Variants in KLF9 observed in about 807,000 individuals in gnomAD.
KLF9 encodes the protein KLF transcription factor 9, also known as Krueppel-like factor 9.
In KLF9, 2 loss-of-function variants were observed where a neutral mutation model predicts 17.3. The observed-to-expected ratio is 0.12, with a 90% CI of 0.05 to 0.36. KLF9 has a LOEUF of 0.36. Among genes scored for constraint, KLF9 ranks in the 10% least tolerant of loss-of-function variants. The pLI is 1.00. For synonymous variants in KLF9, 138 were observed against 139.2 expected (o/e 0.99, Z 0.06); for missense variants, 226 against 333.2 (o/e 0.68, Z 2.51).
chr9:70,396,646 AT>A (rs1384333455), intron 1 of KLF9, among the ~76,000 whole-genome samples: 12 of 152,048 alleles, frequency 7.9e-5, no homozygotes, highest in African/African-American at 1.9e-4. Context: ...AATTAAAAAA[AT>A]ATTAAGTAAA....
chr9:70,398,918 C>A (rs2037201873), intron 1 of KLF9, among the ~76,000 whole-genome samples: 2 of 152,206 alleles, frequency 1.3e-5, no homozygotes, highest in Non-Finnish European at 2.9e-5. Flanking sequence ...ACTGCAGCCT[C>A]AACCTCCCAG....
In KLF9 at chr9:70,386,316, G is replaced by A. The variant is rs2037110312; in HGVS notation, c.*1460C>T. 6.6e-6 allele frequency: 1 copy of A among 152,584 alleles called. No homozygotes were observed. The highest frequency in any genetic ancestry group is 6.5e-5 in the Admixed American group (1 of 15,274). 9.5% of individuals were successfully genotyped at this position (152,584 alleles called of 1,614,324 possible). The stretch of plus-strand genomic sequence containing the variant: ...GGTAAATGGCATAGATGGATGTAGT[G>A]GTTTCAGCCATTATAGACACCTAGA... On this transcript the variant is annotated 3_prime_UTR_variant, in exon 2 of 2. Transcript: ENST00000377126.
intron 1 of KLF9, among the ~76,000 whole-genome samples, chr9:70,397,280 T>G (rs147988829): frequency 0.017 from 2,581 of 151,986 alleles, 33 homozygotes; most frequent in African/African-American, 0.033. Flanking sequence ...GTTGAGACCA[T>G]CCTGGCCAAC....
intron 1 of KLF9, among the ~76,000 whole-genome samples, chr9:70,396,512 G>GCT (rs2037182576): frequency 6.6e-6 from 1 of 152,154 alleles, no homozygotes; most frequent in Admixed American, 6.5e-5. Context: ...ATATGGGCTG[G>GCT]CTGAGGTGGT....
At chr9:70,410,523 T>C (rs2037304100) in intron 1 of KLF9, among the ~76,000 whole-genome samples, 1 of 152,228 alleles carries the variant, frequency 6.6e-6, no homozygotes, top group African/African-American at 2.4e-5. Context: ...CTTCTAAAGC[T>C]GGTGTAGAAG....
At chr9:70,397,244 G>C (rs765705517) in intron 1 of KLF9, among the ~76,000 whole-genome samples, 5 of 152,122 alleles carry the variant, frequency 3.3e-5, no homozygotes, top group Middle Eastern at 3.2e-3. Flanking sequence ...GGAGGCCAAG[G>C]GGGGTGGATC....
chr9:70,393,046 C>T (rs1015401594), intron 1 of KLF9, among the ~76,000 whole-genome samples: 3 of 152,156 alleles, frequency 2.0e-5, no homozygotes, highest in South Asian at 2.1e-4. Flanking sequence ...TACCACTCCC[C>T]GCCCCTTTCA....
At chr9:70,399,308 C>A (rs2037206197) in intron 1 of KLF9, among the ~76,000 whole-genome samples, 1 of 152,178 alleles carries the variant, frequency 6.6e-6, no homozygotes, top group Admixed American at 6.5e-5. Context: ...TGGATGAAAT[C>A]TTAGGGATCC....
intron 1 of KLF9, among the ~76,000 whole-genome samples, chr9:70,401,726 A>C (rs915143277): frequency 6.6e-6 from 1 of 150,756 alleles, no homozygotes; most frequent in African/African-American, 2.4e-5. Flanking sequence ...GAAAAGAAAA[A>C]AAATTAGGCT....
chr9:70,412,034 C>G (rs988950593), intron 1 of KLF9, among the ~76,000 whole-genome samples: 1 of 151,948 alleles, frequency 6.6e-6, no homozygotes. Context: ...TTCATTTGTA[C>G]GGCCATGCCT....
chr9:70,401,743 A>G lies in KLF9; in HGVS notation c.505+11116T>C, dbSNP rs192490640. ...AAAGAAAAAAAATTAGGCTGGCTGC[A>G]GTGGCTCACGCCTGTAATCCCAGCA... On this transcript the variant is annotated intron_variant, in intron 1 of 1. Coordinates refer to ENST00000377126, the MANE Select transcript of KLF9 (RefSeq NM_001206.4). Among the ~76,000 whole-genome samples the G allele has an allele frequency of 7.8e-3, 1,170 of 150,918 alleles. 9 individuals are homozygous for G. Among genetic ancestry groups the G allele is most frequent in the Non-Finnish European group, 0.01 (710 of 67,772 alleles).
intron 1 of KLF9, among the ~76,000 whole-genome samples, chr9:70,405,537 C>CCAGCAG (rs1187229391): frequency 6.6e-6 from 1 of 152,100 alleles, no homozygotes; most frequent in Admixed American, 6.5e-5. Flanking sequence ...ATTCAAAGGC[C>CCAGCAG]CAGCAGCAGC....
At chr9:70,388,456 T>C (rs1027354370) in intron 1 of KLF9, among the ~76,000 whole-genome samples, 1 of 152,130 alleles carries the variant, frequency 6.6e-6, no homozygotes, top group African/African-American at 2.4e-5. Flanking sequence ...AGCCACCCAG[T>C]CTGTGGTTGT....
At chr9:70,403,497 G>A (rs997617947) in intron 1 of KLF9, among the ~76,000 whole-genome samples, 1 of 152,142 alleles carries the variant, frequency 6.6e-6, no homozygotes, top group Non-Finnish European at 1.5e-5. Flanking sequence ...GGCAGGATAT[G>A]AGTCTGGAAC....
intron 1 of KLF9, among the ~76,000 whole-genome samples, chr9:70,388,603 A>G (rs75002465): frequency 0.014 from 2,065 of 152,212 alleles, 50 homozygotes; most frequent in African/African-American, 0.046. Context: ...GGTTTCATAA[A>G]TTCTTTCAAG....
chr9:70,390,669 T>C (rs73647500), intron 1 of KLF9, among the ~76,000 whole-genome samples: 2,688 of 152,108 alleles, frequency 0.018, 58 homozygotes, highest in African/African-American at 0.061. Context: ...TCTCTCTCTC[T>C]CTCTCTCGTC....
chr9:70,413,414 C>A lies in KLF9; in HGVS notation c.-51G>T, dbSNP rs1477859321. 5 of 1,445,500 alleles carry A rather than the reference C, an allele frequency of 3.5e-6. No homozygotes were observed. Among genetic ancestry groups the A allele is most frequent in the South Asian group, 2.8e-5 (2 of 71,100 alleles). 89.5% of individuals were successfully genotyped at this position (1,445,500 alleles called of 1,614,324 possible). ...GCGCGGACAAACTTGGCGGTGGCTG[C>A]GGAGGTTCGGCTCGCCCTGCCCTGG... On this transcript the variant is annotated 5_prime_UTR_variant, in exon 1 of 2. Coordinates refer to ENST00000377126, the MANE Select transcript of KLF9 (RefSeq NM_001206.4). This position sits in a 1 kb window ranked among gnomAD's most constrained non-coding sequence, Gnocchi z 5.6.
Position 70,387,673 on chromosome 9 carries a change from G to A in KLF9, c.*103C>T, listed in dbSNP as rs1044085547. ...CCAAAGAGCAGTGACTTCCTGTGCCGTCAAGTGTGCCTCTTCTGGGGCTCA... is the reference window on the plus strand; with the variant it reads ...CCAAAGAGCAGTGACTTCCTGTGCCATCAAGTGTGCCTCTTCTGGGGCTCA... On this transcript the variant is annotated 3_prime_UTR_variant, in exon 2 of 2. Transcript: ENST00000377126. 54 of 936,334 alleles carry A rather than the reference G, an allele frequency of 5.8e-5. No individual in the cohort carries two copies. The highest frequency in any genetic ancestry group is 3.2e-5 in the African/African-American group (2 of 61,834). The allele number at this position is 936,334 out of a possible 1,614,324, so 58.0% of individuals were successfully genotyped here. A position where few individuals can be genotyped will look rare whatever the true frequency, so the allele number is the denominator to read the frequency against.
intron 1 of KLF9, among the ~76,000 whole-genome samples, chr9:70,393,063 A>G (rs959996926): frequency 1.1e-4 from 17 of 152,186 alleles, no homozygotes; most frequent in Non-Finnish European, 4.4e-5. Flanking sequence ...TTCAGTAACA[A>G]GCTAAGCACC....
Sources: allele counts gnomAD v4.1 joint callset (sites outside exome capture counted in the v4.1 genomes callset), GRCh38; gene constraint gnomAD v4.1.1; non-coding constraint Gnocchi (gnomAD v3.1); transcripts MANE v1.5; gene names NCBI Gene and HGNC (gene_info 2026-07-23, HGNC 2026-07-21).